The following FRMPD2 variants were observed in gnomAD, a reference collection of about 807,000 sequenced individuals.
FRMPD2 encodes FERM and PDZ domain containing 2.
FRMPD2 carries 96 observed loss-of-function variants against 140.1 expected under a neutral mutation model. The ratio of observed to expected loss-of-function variants is 0.69; its 90% confidence interval spans 0.58 to 0.81. FRMPD2 has a LOEUF of 0.81. FRMPD2 is among the 40% of genes least tolerant of loss of function. The probability of loss-of-function intolerance (pLI) is 0.00; values close to 1 mark genes in which losing one functional copy is unlikely to be tolerated. For missense variants in FRMPD2, 1,240 were observed against 1,447.4 expected (o/e 0.86, Z 2.32); for synonymous variants, 449 against 547.6 (o/e 0.82, Z 2.52).
At chr10:48,211,447 G>A (rs1274938873) in intron 13 of FRMPD2, among the ~76,000 whole-genome samples, 2 of 152,124 alleles carry the variant, frequency 1.3e-5, no homozygotes, top group African/African-American at 2.4e-5. Flanking sequence ...TCAACTATAA[G>A]AAATGTGGTC....
At chr10:48,267,023 C>A (rs1840689444) in intron 1 of FRMPD2, among the ~76,000 whole-genome samples, 1 of 152,200 alleles carries the variant, frequency 6.6e-6, no homozygotes, top group Non-Finnish European at 1.5e-5. Context: ...GGGGTCTAGA[C>A]TTCCATTTTT....
At chr10:48,254,778 A>G (rs1840455648) in intron 1 of FRMPD2, among the ~76,000 whole-genome samples, 1 of 152,212 alleles carries the variant, frequency 6.6e-6, no homozygotes, top group South Asian at 2.1e-4. Flanking sequence ...GGCCAGTGTC[A>G]CACAGCTTGG....
At chr10:48,228,618 G>T (rs1839778956) in intron 10 of FRMPD2, among the ~76,000 whole-genome samples, 1 of 151,900 alleles carries the variant, frequency 6.6e-6, no homozygotes, top group South Asian at 2.1e-4. Flanking sequence ...TTTGTAAAAG[G>T]CAGTTTATGA....
intron 1 of FRMPD2, among the ~76,000 whole-genome samples, chr10:48,260,031 C>A (rs1840554693): frequency 6.6e-6 from 1 of 151,658 alleles, no homozygotes; most frequent in Non-Finnish European, 1.5e-5. Flanking sequence ...GACAGGATAT[C>A]CAAGAACTGT....
intron 4 of FRMPD2, 110 bp from the exon 5 acceptor site, chr10:48,242,462 C>T: frequency 2.2e-6 from 2 of 915,110 alleles, no homozygotes; most frequent in Non-Finnish European, 3.3e-6. Flanking sequence ...TTCCCACAAG[C>T]ACCAGAGCAG....
At position 48,251,685 on chromosome 10, in the gene FRMPD2, C is replaced by T. The variant is rs1257982599; in HGVS notation, c.32G>A (p.Ser11Asn). 5 of 1,614,102 alleles carry T rather than the reference C, an allele frequency of 3.1e-6. No individual in the cohort carries two copies. The highest frequency in any genetic ancestry group is 2.7e-5 in the African/African-American group (2 of 74,946). The change falls in exon 2 of 29, where the codon AGC (serine) becomes AAC (asparagine). Residue 11 changes from serine (S) to asparagine (N), a missense_variant. By Grantham distance (46) the Ser-to-Asn change is conservative. Coordinates refer to ENST00000374201, the MANE Select transcript of FRMPD2 (RefSeq NM_001018071.4). ...GCTGGCCAGCGTCACAGAGGACAGG[C>T]TCATGCCTACAATAAAGACATGCAT... MQPLTKDAGM[S>N]LSSVTLASAL...
intron 15 of FRMPD2, among the ~76,000 whole-genome samples, chr10:48,198,864 T>C (rs1839012770): frequency 6.6e-6 from 1 of 152,242 alleles, no homozygotes; most frequent in Non-Finnish European, 1.5e-5. Flanking sequence ...ATTGTGTTCT[T>C]GATTTCACTC....
intron 20 of FRMPD2, among the ~76,000 whole-genome samples, chr10:48,181,222 G>A (rs1242438285): frequency 4.6e-5 from 7 of 152,376 alleles, no homozygotes; most frequent in East Asian, 3.9e-4. Context: ...TAGAGCTTAC[G>A]TGACCCAACT....
chr10:48,193,123 T>TC (rs1306517675), intron 15 of FRMPD2, among the ~76,000 whole-genome samples: 1 of 152,188 alleles, frequency 6.6e-6, no homozygotes, highest in Non-Finnish European at 1.5e-5. Context: ...ATGCTCTCTC[T>TC]CCCCTTGCAG....
chr10:48,268,204 C>T lies in FRMPD2; in HGVS notation c.25+6339G>A, dbSNP rs147821653. Among the ~76,000 whole-genome samples the T allele has an allele frequency of 5.9e-5, 9 of 151,494 alleles. No individual in the cohort carries two copies. In the East Asian group the frequency reaches 1.5e-3, roughly 26 times the overall value. ...GAGATATCCCTCCCCACCTATATGA[C>T]AGGAAAAAAAAATAAAGTGACAATA... On this transcript the variant is annotated intron_variant, in intron 1 of 28. Transcript: ENST00000374201.
At chr10:48,225,758 G>A (rs1839707365) in intron 10 of FRMPD2, among the ~76,000 whole-genome samples, 3 of 152,138 alleles carry the variant, frequency 2.0e-5, no homozygotes, top group Admixed American at 1.3e-4. Flanking sequence ...CCATACCAGC[G>A]ACCGCAGAAC....
chr10:48,211,496 G>T (rs949753224), intron 13 of FRMPD2, among the ~76,000 whole-genome samples: 3 of 152,076 alleles, frequency 2.0e-5, no homozygotes, highest in African/African-American at 7.2e-5. Flanking sequence ...GCTGATCTAA[G>T]ATTTGTCCGG....
chr10:48,213,174 G>A (rs1256872426), intron 12 of FRMPD2, among the ~76,000 whole-genome samples: 1 of 152,204 alleles, frequency 6.6e-6, no homozygotes, highest in East Asian at 1.9e-4. Context: ...ATGTCCCCAT[G>A]TGGCCATGGA....
chr10:48,253,975 T>C (rs1420476292), intron 1 of FRMPD2, among the ~76,000 whole-genome samples: 2 of 152,112 alleles, frequency 1.3e-5, no homozygotes, highest in East Asian at 3.9e-4. Context: ...GTTTTTGTTA[T>C]TGGACGTGTC....
chr10:48,157,893 C>T (rs1440978048), intron 28 of FRMPD2, among the ~76,000 whole-genome samples: 3 of 144,960 alleles, frequency 2.1e-5, no homozygotes, highest in African/African-American at 7.8e-5. Flanking sequence ...GCCTATTGCC[C>T]AGGCCTAGGC....
rs746806097 is a variant in FRMPD2 at position 48,251,758 on chromosome 10, G to A, written c.26-67C>T. ...CAGGAACATGTCCGGGCCCGTACTC[G>A]CCACTCTGGTGCAGCCAGGCATGGT... On this transcript the variant is annotated intron_variant, in intron 1 of 28. Coordinates refer to ENST00000374201, the MANE Select transcript of FRMPD2 (RefSeq NM_001018071.4). 3.5e-5 allele frequency: 55 copies of A among 1,583,806 alleles called. No homozygotes were observed. In the Admixed American group the frequency reaches 3.9e-4, roughly 11 times the overall value.
intron 10 of FRMPD2, among the ~76,000 whole-genome samples, chr10:48,230,798 C>T (rs1443113623): frequency 6.6e-6 from 1 of 152,206 alleles, no homozygotes; most frequent in African/African-American, 2.4e-5. Context: ...AGAACAAGAA[C>T]TTCTCTGTTC....
rs181990926 is a variant in FRMPD2, at chr10:48,207,494, C to T, written c.1612-561G>A. On this transcript the variant is annotated intron_variant, in intron 13 of 28. Transcript: ENST00000374201. ...GTAGCAATGCCTTCGTGGGGGTCCCCGTAGCCCAGGGTCTTGCCTCTGTTT... is the reference window on the plus strand; with the variant it reads ...GTAGCAATGCCTTCGTGGGGGTCCCTGTAGCCCAGGGTCTTGCCTCTGTTT... Among the ~76,000 whole-genome samples, 4 of 152,278 alleles carry T rather than the reference C, an allele frequency of 2.6e-5. No homozygotes were observed. In the East Asian group the frequency reaches 7.7e-4, roughly 29 times the overall value.
At chr10:48,236,212 C>A (rs1238921363) in intron 9 of FRMPD2, among the ~76,000 whole-genome samples, 14 of 152,084 alleles carry the variant, frequency 9.2e-5, no homozygotes, top group Non-Finnish European at 2.1e-4. Context: ...TAGAATAGTG[C>A]CTGGCACCTG....
Sources: gnomAD v4.1 joint callset for allele counts (sites outside exome capture counted in the v4.1 genomes callset) on GRCh38, gnomAD v4.1.1 for gene constraint, MANE v1.5 for transcripts, NCBI Gene and HGNC (gene_info 2026-07-23, HGNC 2026-07-21) for gene names.